ZMYND11: variants seen among roughly 807,000 people sequenced by gnomAD.
ZMYND11 encodes the protein zinc finger MYND-type containing 11.
In ZMYND11, 9 loss-of-function variants were observed where a neutral mutation model predicts 84.9. The observed-to-expected ratio is 0.11, with a 90% CI of 0.06 to 0.18. The LOEUF is 0.18. Among genes scored for constraint, ZMYND11 ranks in the 10% least tolerant of loss-of-function variants. The pLI, the probability that ZMYND11 is intolerant of heterozygous loss-of-function variation, is 1.00. For missense variants in ZMYND11, 409 were observed against 761.0 expected (o/e 0.54, Z 5.44); for synonymous variants, 250 against 244.1 (o/e 1.02, Z -0.23).
At chr10:249,888 G>C (rs999560016) in intron 14 of ZMYND11, 2 of 614,536 alleles carry the variant, frequency 3.3e-6, no homozygotes, top group African/African-American at 4.0e-5. Context: ...TGGCAAGAAG[G>C]AAAATGGAAA....
At chr10:199,704 A>G (rs550938751) in intron 2 of ZMYND11, among the ~76,000 whole-genome samples, 1 of 152,244 alleles carries the variant, frequency 6.6e-6, no homozygotes, top group Non-Finnish European at 1.5e-5. Flanking sequence ...AAGTGCTGGG[A>G]TTATAGGTCT....
At chr10:233,706 CAGA>C (rs759850120) in intron 4 of ZMYND11, among the ~76,000 whole-genome samples, 4 of 152,184 alleles carry the variant, frequency 2.6e-5, no homozygotes, top group African/African-American at 9.7e-5. Context: ...TGACTGCACT[CAGA>C]AGGAGACAGA....
chr10:157,672 T>C (rs1383435304), intron 1 of ZMYND11, among the ~76,000 whole-genome samples: 1 of 152,190 alleles, frequency 6.6e-6, no homozygotes, highest in Admixed American at 6.5e-5. Context: ...ATAATTTTAA[T>C]AGACGCTATA....
chr10:173,103 G>T (rs1554766080), intron 1 of ZMYND11, among the ~76,000 whole-genome samples: 1 of 151,362 alleles, frequency 6.6e-6, no homozygotes, highest in Non-Finnish European at 1.5e-5. Flanking sequence ...ACTGAAAATG[G>T]ATCAGAGACC....
chr10:188,674 A>G (rs925615348), intron 2 of ZMYND11, among the ~76,000 whole-genome samples: 12 of 151,918 alleles, frequency 7.9e-5, no homozygotes, highest in Admixed American at 4.6e-4. Flanking sequence ...CTATTTTAGT[A>G]TCCATTAAAA....
intron 2 of ZMYND11, among the ~76,000 whole-genome samples, chr10:196,411 T>C (rs899759268): frequency 1.3e-5 from 2 of 152,216 alleles, no homozygotes; most frequent in South Asian, 2.1e-4. Context: ...GGATAAAGTA[T>C]ATAATTTTAT....
At chr10:183,004 C>A (rs1307829559) in intron 2 of ZMYND11, among the ~76,000 whole-genome samples, 1 of 152,150 alleles carries the variant, frequency 6.6e-6, no homozygotes. Context: ...GTCAAGAATG[C>A]ATGTTAGTCA....
Position 243,424 on chromosome 10 carries a change from T to G in ZMYND11, c.950+1285T>G, listed in dbSNP as rs534009638. On this transcript the variant is annotated intron_variant, in intron 10 of 14. Coordinates refer to ENST00000381604, the MANE Select transcript of ZMYND11 (RefSeq NM_001370100.5). ...TAGCCATACTAATAGGTAAGAATAA[T>G]CTGATAATTAGAACTTTTTATCTAT... 6.6e-5 allele frequency among the ~76,000 whole-genome samples: 10 copies of G among 152,312 alleles called. No individual in the cohort carries two copies. In the South Asian group the frequency reaches 1.9e-3, roughly 28 times the overall value.
In ZMYND11 at chr10:223,155, G is replaced by A. The variant is rs191935961; in HGVS notation, c.438+1799G>A. Among the ~76,000 whole-genome samples, 392 of 151,708 alleles carry A rather than the reference G, an allele frequency of 2.6e-3. 3 individuals carry two copies. The highest frequency in any genetic ancestry group is 9.1e-3 in the African/African-American group (375 of 41,368). On this transcript the variant is annotated intron_variant, in intron 4 of 14. Coordinates refer to ENST00000381604, the MANE Select transcript of ZMYND11 (RefSeq NM_001370100.5). ...AGTGATTCTTCTGCCTCAGCCTCCC[G>A]AGTAGCTGGGATTACAGGTGCGTGC...
upstream of ZMYND11, chr10:134,555 G>A (rs972271584): frequency 6.6e-6 from 1 of 152,276 alleles, no homozygotes; most frequent in Admixed American, 6.5e-5. Flanking sequence ...GATGAAACGG[G>A]GAACTTAGCG....
At chr10:221,457 A>G (rs140621750) in intron 4 of ZMYND11, 101 bp downstream of exon 4, 9 of 1,231,508 alleles carry the variant, frequency 7.3e-6, no homozygotes, top group African/African-American at 1.5e-5. Flanking sequence ...TGAACGGATA[A>G]AGGACTGGAG....
At chr10:234,896 TC>T (rs1949671523) in intron 4 of ZMYND11, among the ~76,000 whole-genome samples, 1 of 152,118 alleles carries the variant, frequency 6.6e-6, no homozygotes, top group African/African-American at 2.4e-5. Context: ...CCTTCTGCAG[TC>T]CTGTGAGACA....
chr10:209,336 A>C (rs1944763728), intron 2 of ZMYND11, among the ~76,000 whole-genome samples: 1 of 152,178 alleles, frequency 6.6e-6, no homozygotes. Context: ...AGTATATTTC[A>C]CTGAAAATCA....
chr10:200,242 T>A (rs573296112), intron 2 of ZMYND11, among the ~76,000 whole-genome samples: 45 of 29,198 alleles, frequency 1.5e-3, no homozygotes, highest in South Asian at 0.01. Flanking sequence ...TATATAAAAA[T>A]ATATATATAA....
chr10:200,227 TAA>T, intron 2 of ZMYND11, among the ~76,000 whole-genome samples: 1 of 144,826 alleles, frequency 6.9e-6, no homozygotes, highest in Non-Finnish European at 1.5e-5. Flanking sequence ...TGTGTGTGTA[TAA>T]TATATATAAA....
chr10:150,420 C>T (rs1554756656), intron 1 of ZMYND11, among the ~76,000 whole-genome samples: 2 of 152,190 alleles, frequency 1.3e-5, no homozygotes, highest in African/African-American at 2.4e-5. Context: ...ATAGTATTCT[C>T]TGATGGTAGT....
At position 240,102 on chromosome 10, in the gene ZMYND11, A is replaced by C; in HGVS notation, c.744A>C (p.Thr248=). 2 of 1,610,750 alleles carry C rather than the reference A, an allele frequency of 1.2e-6. No homozygotes were observed. The highest frequency in any genetic ancestry group is 1.7e-6 in the Non-Finnish European group (2 of 1,178,252). Residue 248 remains threonine, a synonymous_variant, in exon 8 of 15, where the codon ACA becomes ACC. Coordinates refer to ENST00000381604, the MANE Select transcript of ZMYND11 (RefSeq NM_001370100.5). ...TTGCGAGGATGCTATATAAAGACACATGTCATGAGGTACTATTCATTGCCC... is the reference window on the plus strand; with the variant it reads ...TTGCGAGGATGCTATATAAAGACACCTGTCATGAGGTACTATTCATTGCCC... ...ADIARMLYKD[T]CHELDELQLC...
At chr10:174,623 G>A (rs192646952) in intron 1 of ZMYND11, among the ~76,000 whole-genome samples, 91 of 136,324 alleles carry the variant, frequency 6.7e-4, no homozygotes, top group Non-Finnish European at 5.7e-4. Context: ...ACAGTGGCAC[G>A]TGCTTGTCAT....
chr10:204,898 A>G (rs1302811800), intron 2 of ZMYND11, among the ~76,000 whole-genome samples: 4 of 151,604 alleles, frequency 2.6e-5, no homozygotes, highest in African/African-American at 9.7e-5. Flanking sequence ...TTAATATTAG[A>G]TTATATTCAA....
Sources: allele counts gnomAD v4.1 joint callset (sites outside exome capture counted in the v4.1 genomes callset), GRCh38; gene constraint gnomAD v4.1.1; transcripts MANE v1.5; gene names NCBI Gene and HGNC (gene_info 2026-07-23, HGNC 2026-07-21).